The following CD1C variants were observed in gnomAD, a reference collection of about 807,000 sequenced individuals.
The protein encoded by CD1C is CD1c molecule, also known as T-cell surface glycoprotein CD1c.
Under a neutral mutation model 39.4 loss-of-function variants are expected in CD1C, and 47 were observed. The ratio of observed to expected loss-of-function variants is 1.19; its 90% CI spans 0.94 to 1.52. The LOEUF (loss-of-function observed/expected upper bound fraction) is 1.52. CD1C is among the 40% of genes most tolerant of loss of function. The pLI is 0.00. For missense variants in CD1C, 417 were observed against 395.2 expected, an observed-to-expected ratio of 1.06 and a Z score of -0.47; for synonymous variants, 165 against 150.8, an observed-to-expected ratio of 1.09 and a Z score of -0.69.
At position 158,291,312 on chromosome 1, in the gene CD1C, G is replaced by C. The variant is rs1309328455; in HGVS notation, c.240G>C (p.Glu80Asp). 6.2e-7 allele frequency: 1 copy of C among 1,613,986 alleles called. No individual in the cohort carries two copies. The highest frequency in any genetic ancestry group is 8.5e-7 in the Non-Finnish European group (1 of 1,179,978). Residue 80 changes from glutamate to aspartate, a missense_variant, in exon 2 of 6, where the codon GAG becomes GAC. Glu to Asp is a conservative substitution (Grantham distance 45). Coordinates refer to ENST00000368170, the MANE Select transcript of CD1C (RefSeq NM_001765.3). ...NWSKGNFSNE[E>D]LSDLELLFRF... ...CCAAGGGCAACTTCAGCAATGAAGA[G>C]TTGTCAGACCTAGAGTTGTTATTTC...
chr1:158,291,217 T>A lies in CD1C; in HGVS notation c.145T>A (p.Trp49Arg). Residue 49 changes from tryptophan (W) to arginine (R), a missense_variant, in exon 2 of 6, where the codon TGG (tryptophan) becomes AGG (arginine). Transcript: ENST00000368170. ...CTGGGCACGAGGTCAGGGCTCAGGA[T>A]GGCTGGACGAGTTGCAGACTCATGG... Reference protein sequence around the residue: ...QSWARGQGSGWLDELQTHGWD... With the variant: ...QSWARGQGSGRLDELQTHGWD... 1 of 1,614,112 alleles carries A rather than the reference T, an allele frequency of 6.2e-7. No homozygotes were observed. The highest frequency in any genetic ancestry group is 8.5e-7 in the Non-Finnish European group (1 of 1,180,030).
chr1:158,293,354 A>C, intron 5 of CD1C, 52 bp downstream of exon 5: 1 of 1,594,726 alleles, frequency 6.3e-7, no homozygotes, highest in South Asian at 1.1e-5. Context: ...TTCACATTCC[A>C]TTTTTCACTC....
In CD1C at chr1:158,291,351, T is replaced by C. The variant is rs1651034673; in HGVS notation, c.279T>C (p.Phe93=). ...AGTTGTTATTTCGTTTCTACCTCTT[T>C]GGATTAACTCGGGAGATTCAAGACC... ...DLELLFRFYL[F]GLTREIQDHA... is the part of the protein sequence containing the mutation. Residue 93 remains phenylalanine (F), a synonymous_variant, in exon 2 of 6, where the codon TTT becomes TTC. Coordinates refer to ENST00000368170, the MANE Select transcript of CD1C (RefSeq NM_001765.3). 2 of 1,614,194 alleles carry C rather than the reference T, an allele frequency of 1.2e-6. No individual in the cohort carries two copies. Among genetic ancestry groups the C allele is most frequent in the Non-Finnish European group, 1.7e-6 (2 of 1,180,010 alleles).
In CD1C at chr1:158,294,458, C is replaced by G. The variant is rs1240374225; in HGVS notation, c.*982C>G. Among the ~76,000 whole-genome samples, 1 of 152,210 alleles carries G rather than the reference C, an allele frequency of 6.6e-6. No homozygotes were observed. The highest frequency in any genetic ancestry group is 2.4e-5 in the African/African-American group (1 of 41,456). On this transcript the variant is annotated 3_prime_UTR_variant, in exon 6 of 6. Coordinates refer to ENST00000368170, the MANE Select transcript of CD1C (RefSeq NM_001765.3). ...AAGTTGCAATGTTTGCTTCCTCAAT[C>G]TGTCCATGTTTCTTTTCTATTGTTT...
At chr1:158,292,020 GTT>G in intron 2 of CD1C, 62 bp from the exon 3 acceptor site, 1 of 1,513,042 alleles carries the variant, frequency 6.6e-7, no homozygotes, top group Middle Eastern at 2.4e-4. Context: ...ACAGCCCTAG[GTT>G]TTTATACTGT....
At position 158,293,705 on chromosome 1, in the gene CD1C, C is replaced by T. The variant is rs574116546; in HGVS notation, c.*229C>T. 77 of 1,021,306 alleles carry T rather than the reference C, an allele frequency of 7.5e-5. No homozygotes were observed. Among genetic ancestry groups the T allele is most frequent in the African/African-American group, 2.6e-4 (16 of 62,694 alleles). 63.3% of individuals were successfully genotyped at this position (1,021,306 alleles called of 1,614,324 possible). ...CCATTTCTGATGTCATTTCCTCCAA[C>T]GATCTTCCTTGACCCATACTGAACC... On this transcript the variant is annotated 3_prime_UTR_variant, in exon 6 of 6. Coordinates refer to ENST00000368170, the MANE Select transcript of CD1C (RefSeq NM_001765.3).
intron 4 of CD1C, 115 bp from the exon 5 acceptor site, chr1:158,293,097 A>G: frequency 1.0e-6 from 1 of 958,662 alleles, no homozygotes; most frequent in Non-Finnish European, 1.6e-6. Context: ...AGTGACTGAA[A>G]TAGGATAACT....
At position 158,291,003 on chromosome 1, in the gene CD1C, G is replaced by T. The variant is rs534579073; in HGVS notation, c.62-131G>T. On this transcript the variant is annotated intron_variant, in intron 1 of 5. Coordinates refer to ENST00000368170, the MANE Select transcript of CD1C (RefSeq NM_001765.3). Reference sequence around the variant, plus strand: ...GGCAGAGCATGGGGCTCTGTGTAAGGAAAATGGTATAGCTAAAGTAGTCAT... The same window carrying T: ...GGCAGAGCATGGGGCTCTGTGTAAGTAAAATGGTATAGCTAAAGTAGTCAT... The T allele has an allele frequency of 3.4e-4, 332 of 974,670 alleles. 1 individual carries two copies. In the African/African-American group the frequency reaches 4.2e-3, roughly 12 times the overall value. The allele number at this position is 974,670 out of a possible 1,614,324, so 60.4% of individuals were successfully genotyped here.
intron 1 of CD1C, 130 bp from the exon 2 acceptor site, chr1:158,291,003 GA>G: frequency 1.0e-6 from 1 of 974,670 alleles, no homozygotes; most frequent in Non-Finnish European, 1.5e-6. Flanking sequence ...TCTGTGTAAG[GA>G]AAATGGTATA....
chr1:158,292,380 C>A lies in CD1C; in HGVS notation c.610+15C>A. 2 of 1,603,828 alleles carry A rather than the reference C, an allele frequency of 1.2e-6. No homozygotes were observed. The highest frequency in any genetic ancestry group is 1.1e-5 in the South Asian group (1 of 89,840). On this transcript the variant is annotated intron_variant, in intron 3 of 5. Transcript: ENST00000368170. ...ACACAGGCAAGGTCAGTAGTTTCAGCCCCTTCCTCTAAGATTTTTCTATTC... is the reference window on the plus strand; with the variant it reads ...ACACAGGCAAGGTCAGTAGTTTCAGACCCTTCCTCTAAGATTTTTCTATTC...
At position 158,292,361 on chromosome 1, in the gene CD1C, G is replaced by A; in HGVS notation, c.606G>A (p.Arg202=). 6.2e-7 allele frequency: 1 copy of A among 1,612,468 alleles called. No homozygotes were observed. Among genetic ancestry groups the A allele is most frequent in the Non-Finnish European group, 8.5e-7 (1 of 1,179,258 alleles). The change falls in exon 3 of 6, where the codon AGG becomes AGA. Residue 202 remains arginine, a synonymous_variant. Coordinates refer to ENST00000368170, the MANE Select transcript of CD1C (RefSeq NM_001765.3). ...ATGCAGGGAAGATGTATGTACACAG[G>A]CAAGGTCAGTAGTTTCAGCCCCTTC... ...LLDAGKMYVH[R]QVRPEAWLSS...
In CD1C at chr1:158,293,677, AG is replaced by A; in HGVS notation, c.*202del. ...TTTTTATATAGCACTCAACCTTCAA[AG>A]CCCATTTCTGATGTCATTTCCTCCA... On this transcript the variant is annotated 3_prime_UTR_variant, in exon 6 of 6. Transcript: ENST00000368170. The A allele has an allele frequency of 7.9e-7, 1 of 1,264,136 alleles. No homozygotes were observed. The highest frequency in any genetic ancestry group is 1.1e-6 in the Non-Finnish European group (1 of 897,048). The allele number at this position is 1,264,136 out of a possible 1,614,324, so 78.3% of individuals were successfully genotyped here. A position where few individuals can be genotyped will look rare whatever the true frequency, so the allele number is the denominator to read the frequency against.
intron 2 of CD1C, 95 bp from the exon 3 acceptor site, chr1:158,291,989 T>A: frequency 7.7e-7 from 1 of 1,303,280 alleles, no homozygotes; most frequent in Non-Finnish European, 1.1e-6. Flanking sequence ...CATGTAAAAC[T>A]TTCTTGCTTC....
At position 158,292,859 on chromosome 1, in the gene CD1C, A is replaced by T. The variant is rs1557802105; in HGVS notation, c.874A>T (p.Ile292Phe). ...ACACAGCAGTCTAGGAGGCCAGGAC[A>T]TCATCCTCTACTGGGGTAAGACTGG... is the stretch of plus-strand genomic sequence containing the variant. ...VRHSSLGGQD[I>F]ILYWGHHFSM... Residue 292 changes from isoleucine (I) to phenylalanine (F), a missense_variant, in exon 4 of 6, where the codon ATC (isoleucine) becomes TTC (phenylalanine). By Grantham distance (21) the Ile-to-Phe change is conservative. Transcript: ENST00000368170. 6.2e-7 allele frequency: 1 copy of T among 1,614,102 alleles called. No individual in the cohort carries two copies. The highest frequency in any genetic ancestry group is 8.5e-7 in the Non-Finnish European group (1 of 1,179,982).
At chr1:158,292,477 G>C in intron 3 of CD1C, 112 bp downstream of exon 3, 2 of 1,486,942 alleles carry the variant, frequency 1.3e-6, no homozygotes, top group African/African-American at 2.8e-5. Flanking sequence ...GGGGGTTGCT[G>C]GGTAATAGTT....
Position 158,292,303 on chromosome 1 carries a change from G to A in CD1C, c.548G>A (p.Ser183Asn). The A allele has an allele frequency of 6.2e-7, 1 of 1,614,192 alleles. No homozygotes were observed. Among genetic ancestry groups the A allele is most frequent in the Non-Finnish European group, 8.5e-7 (1 of 1,180,020 alleles). ...VTETVYNLIRSTCPRFLLGLL... is the reference protein window; with the variant it reads ...VTETVYNLIRNTCPRFLLGLL... The stretch of plus-strand genomic sequence containing the variant: ...GAAACAGTGTATAATCTCATAAGAA[G>A]CACTTGCCCCCGATTTCTCTTGGGT... The change falls in exon 3 of 6, where the codon AGC becomes AAC. Residue 183 changes from serine (S) to asparagine (N), a missense_variant. Coordinates refer to ENST00000368170, the MANE Select transcript of CD1C (RefSeq NM_001765.3).
At chr1:158,292,951 C>A in intron 4 of CD1C, 77 bp downstream of exon 4, 2 of 1,420,674 alleles carry the variant, frequency 1.4e-6, no homozygotes, top group Non-Finnish European at 9.7e-7. Flanking sequence ...TTGAGGATAG[C>A]AGACCTAGGT....
At position 158,290,094 on chromosome 1, in the gene CD1C, T is replaced by G. The variant is rs1161885312; in HGVS notation, c.30T>G (p.Ala10=). The part of the protein sequence containing the change: MLFLQFLLL[A]LLLPGGDNAD... Reference sequence around the variant, plus strand: ...TGTTTCTGCAGTTTCTGCTGCTAGCTCTTCTTCTCCCAGGTGGTGACAATG... The same window carrying G: ...TGTTTCTGCAGTTTCTGCTGCTAGCGCTTCTTCTCCCAGGTGGTGACAATG... Residue 10 remains alanine, a synonymous_variant, in exon 1 of 6, where the codon GCT becomes GCG. Coordinates refer to ENST00000368170, the MANE Select transcript of CD1C (RefSeq NM_001765.3). 6.2e-7 allele frequency: 1 copy of G among 1,613,788 alleles called. No homozygotes were observed. The highest frequency in any genetic ancestry group is 1.1e-5 in the South Asian group (1 of 91,044).
chr1:158,290,013 A>C lies in CD1C; in HGVS notation c.-52A>C. The stretch of plus-strand genomic sequence containing the variant: ...GGTACAGAGGGATAAGTTTGCTAAG[A>C]ACAGAGATCAGCAAACAGCTTTTCT... On this transcript the variant is annotated 5_prime_UTR_variant, in exon 1 of 6. Transcript: ENST00000368170. The C allele has an allele frequency of 6.5e-7, 1 of 1,545,092 alleles. No homozygotes were observed. The highest frequency in any genetic ancestry group is 1.4e-5 in the African/African-American group (1 of 73,696).
Sources: gnomAD v4.1 joint callset for allele counts (sites outside exome capture counted in the v4.1 genomes callset) on GRCh38, gnomAD v4.1.1 for gene constraint, MANE v1.5 for transcripts, NCBI Gene and HGNC (gene_info 2026-07-23, HGNC 2026-07-21) for gene names.